XKR4: variants seen among roughly 807,000 people sequenced by gnomAD.
XKR4 encodes the protein XK related 4.
XKR4 carries 12 observed loss-of-function variants against 53.9 expected under a neutral mutation model. The observed-to-expected ratio is 0.22, with a 90% confidence interval of 0.14 to 0.36. XKR4 has a LOEUF of 0.36. Among genes scored for constraint, XKR4 ranks in the 10% least tolerant of loss-of-function variants. The probability of loss-of-function intolerance (pLI) is 1.00; values close to 1 mark genes in which losing one functional copy is unlikely to be tolerated. For missense variants in XKR4, 799 were observed against 859.5 expected (o/e 0.93, Z 0.88); for synonymous variants, 354 against 362.4 (o/e 0.98, Z 0.26).
chr8:55,162,648 A>G (rs1817001651), intron 1 of XKR4, among the ~76,000 whole-genome samples: 1 of 152,180 alleles, frequency 6.6e-6, no homozygotes, highest in Admixed American at 6.5e-5. Flanking sequence ...TCTTTCCACT[A>G]CAATTGAAAG....
At chr8:55,299,407 G>A (rs1303642677) in intron 1 of XKR4, among the ~76,000 whole-genome samples, 1 of 152,188 alleles carries the variant, frequency 6.6e-6, no homozygotes, top group Non-Finnish European at 1.5e-5. Flanking sequence ...AGTGAGACCA[G>A]GCAGGCCAGC....
chr8:55,391,241 G>T (rs1442057520), intron 2 of XKR4, among the ~76,000 whole-genome samples: 3 of 152,076 alleles, frequency 2.0e-5, no homozygotes, highest in Non-Finnish European at 4.4e-5. Context: ...TTCTTCCCTG[G>T]CCCGGAAACC....
At chr8:55,457,487 A>C (rs1805588376) in intron 2 of XKR4, among the ~76,000 whole-genome samples, 1 of 152,172 alleles carries the variant, frequency 6.6e-6, no homozygotes, top group South Asian at 2.1e-4. Flanking sequence ...GTGTCCATCA[A>C]AACTATTCCC....
chr8:55,482,639 C>A (rs1333275236), intron 2 of XKR4, among the ~76,000 whole-genome samples: 1 of 152,036 alleles, frequency 6.6e-6, no homozygotes, highest in Non-Finnish European at 1.5e-5. Context: ...ACCCAGTAGA[C>A]TTTACTGGAT....
chr8:55,384,874 G>T (rs180709159), intron 2 of XKR4, among the ~76,000 whole-genome samples: 1 of 152,198 alleles, frequency 6.6e-6, no homozygotes, highest in African/African-American at 2.4e-5. Context: ...AATATTTTTG[G>T]CACCCAAAAC....
intron 1 of XKR4, among the ~76,000 whole-genome samples, chr8:55,262,175 T>C (rs1281788970): frequency 6.6e-6 from 1 of 152,250 alleles, no homozygotes; most frequent in African/African-American, 2.4e-5. Flanking sequence ...AAATTAATTC[T>C]TTAATGAAAC....
intron 1 of XKR4, among the ~76,000 whole-genome samples, chr8:55,294,070 A>G (rs1016324725): frequency 6.6e-6 from 1 of 152,208 alleles, no homozygotes; most frequent in African/African-American, 2.4e-5. Flanking sequence ...AATATTTTCA[A>G]AGCCTTCTAT....
In XKR4 at chr8:55,530,194, AGG is replaced by A. The variant is rs1806930336; in HGVS notation, c.*5968_*5969del. ...AAGGAAGGAAGGAAGGAAGGAAGGA[AGG>A]AAGGAAGGAAGGAGATTTAACAAGT... On this transcript the variant is annotated 3_prime_UTR_variant, in exon 3 of 3. Coordinates refer to ENST00000327381, the MANE Select transcript of XKR4 (RefSeq NM_052898.2). 2 of 106,868 alleles carry A rather than the reference AGG, an allele frequency of 1.9e-5. No individual in the cohort carries two copies. Among genetic ancestry groups the A allele is most frequent in the South Asian group, 3.2e-4 (1 of 3,144 alleles). 6.6% of individuals were successfully genotyped at this position (106,868 alleles called of 1,614,324 possible).
At position 55,387,383 on chromosome 8, in the gene XKR4, G is replaced by A. The variant is rs969519687; in HGVS notation, c.1006+29506G>A. On this transcript the variant is annotated intron_variant, in intron 2 of 2. Transcript: ENST00000327381. The stretch of plus-strand genomic sequence containing the variant: ...ACATTGGTTTTGACAGTGCCCTTAG[G>A]CATGAACTTCCACATTCTCTGTTAC... Among the ~76,000 whole-genome samples the A allele has an allele frequency of 5.9e-5, 9 of 152,262 alleles. No homozygotes were observed. In the East Asian group the frequency reaches 9.7e-4, roughly 16 times the overall value.
At chr8:55,129,803 T>G (rs1008883140) in intron 1 of XKR4, among the ~76,000 whole-genome samples, 1 of 152,060 alleles carries the variant, frequency 6.6e-6, no homozygotes, top group Admixed American at 6.6e-5. Context: ...AGATTAAAAT[T>G]GACATGGATG....
chr8:55,431,777 T>A (rs1805109005), intron 2 of XKR4, among the ~76,000 whole-genome samples: 1 of 152,242 alleles, frequency 6.6e-6, no homozygotes, highest in Non-Finnish European at 1.5e-5. Flanking sequence ...TTTTCTCAAC[T>A]GTCTTCTTGA....
chr8:55,536,112 G>A lies in XKR4; in HGVS notation c.*11885G>A, dbSNP rs181178498. On this transcript the variant is annotated 3_prime_UTR_variant, in exon 3 of 3. Transcript: ENST00000327381. ...TCTGTGTCCAAACACACTAAACTGG[G>A]TTTACAAGCATTAGAATCTTTCACT... 4.6e-5 allele frequency: 7 copies of A among 152,290 alleles called. No individual in the cohort carries two copies. The highest frequency in any genetic ancestry group is 8.8e-5 in the Non-Finnish European group (6 of 68,036). 9.4% of individuals were successfully genotyped at this position (152,290 alleles called of 1,614,324 possible).
At chr8:55,397,775 C>A (rs972483384) in intron 2 of XKR4, among the ~76,000 whole-genome samples, 2 of 152,132 alleles carry the variant, frequency 1.3e-5, no homozygotes, top group Non-Finnish European at 2.9e-5. Context: ...AGCTTCACTG[C>A]AAGTCCTTAA....
chr8:55,182,688 G>C (rs1817325902), intron 1 of XKR4, among the ~76,000 whole-genome samples: 1 of 152,086 alleles, frequency 6.6e-6, no homozygotes. Flanking sequence ...ACATAGTTTT[G>C]ATTACTGTAG....
At chr8:55,226,483 G>T (rs1817954251) in intron 1 of XKR4, among the ~76,000 whole-genome samples, 1 of 152,142 alleles carries the variant, frequency 6.6e-6, no homozygotes, top group Non-Finnish European at 1.5e-5. Flanking sequence ...TACACTCAAT[G>T]TCCAGGAGAA....
intron 2 of XKR4, among the ~76,000 whole-genome samples, chr8:55,410,051 T>C (rs1026816682): frequency 6.6e-6 from 1 of 152,092 alleles, no homozygotes; most frequent in African/African-American, 2.4e-5. Flanking sequence ...GTATTTCTGT[T>C]TGCCATGGCT....
intron 2 of XKR4, among the ~76,000 whole-genome samples, chr8:55,433,585 A>T (rs1220149895): frequency 6.6e-6 from 1 of 152,210 alleles, no homozygotes; most frequent in East Asian, 1.9e-4. Flanking sequence ...AGGCATTGTC[A>T]CCTCTTCAAA....
chr8:55,155,280 A>G (rs965235798), intron 1 of XKR4, among the ~76,000 whole-genome samples: 1 of 152,202 alleles, frequency 6.6e-6, no homozygotes, highest in African/African-American at 2.4e-5. Flanking sequence ...AAAATGAACA[A>G]CGCTGGTGAA....
intron 1 of XKR4, among the ~76,000 whole-genome samples, chr8:55,108,444 C>A (rs1816185343): frequency 6.6e-6 from 1 of 152,116 alleles, no homozygotes; most frequent in Admixed American, 6.5e-5. Context: ...TGTCATTATT[C>A]ATCTCTGACT....
Sources: gnomAD v4.1 joint callset for allele counts (sites outside exome capture counted in the v4.1 genomes callset) on GRCh38, gnomAD v4.1.1 for gene constraint, MANE v1.5 for transcripts, NCBI Gene and HGNC (gene_info 2026-07-23, HGNC 2026-07-21) for gene names.